CAMKMT: variants seen among roughly 807,000 people sequenced by gnomAD.
CAMKMT encodes the protein CaM KMT.
In CAMKMT, 53 loss-of-function variants were observed where a neutral mutation model predicts 48.0. That is an observed-to-expected ratio of 1.10 (90% CI 0.89 to 1.39). The LOEUF (loss-of-function observed/expected upper bound fraction) is 1.39, where lower values mean the gene tolerates loss of function less well. Ranked by LOEUF, CAMKMT falls within the 40% of genes most tolerant of loss-of-function variation. The pLI, the probability that CAMKMT is intolerant of heterozygous loss-of-function variation, is 0.00. For synonymous variants in CAMKMT, 165 were observed against 152.3 expected, an observed-to-expected ratio of 1.08 and a Z score of -0.61; for missense variants, 428 against 402.7, an observed-to-expected ratio of 1.06 and a Z score of -0.54.
chr2:44,403,439 T>G (rs1208065223), intron 3 of CAMKMT, among the ~76,000 whole-genome samples: 4 of 152,148 alleles, frequency 2.6e-5, no homozygotes, highest in African/African-American at 9.7e-5. Context: ...AGAGATGAGA[T>G]TTCAAGATCT....
chr2:44,722,758 C>T (rs887268420), intron 7 of CAMKMT, among the ~76,000 whole-genome samples: 1 of 152,010 alleles, frequency 6.6e-6, no homozygotes, highest in African/African-American at 2.4e-5. Context: ...ACTTTCTAGT[C>T]CATTCATTCT....
At chr2:44,724,650 C>T (rs923129614) in intron 7 of CAMKMT, among the ~76,000 whole-genome samples, 1 of 152,040 alleles carries the variant, frequency 6.6e-6, no homozygotes, top group East Asian at 1.9e-4. Flanking sequence ...GGCATTTTTT[C>T]ACTCTCATGT....
chr2:44,689,165 CA>C, intron 3 of CAMKMT, among the ~76,000 whole-genome samples: 1 of 152,308 alleles, frequency 6.6e-6, no homozygotes, highest in South Asian at 2.1e-4. Context: ...ACACCTAAGA[CA>C]GGGAACAATA....
intron 2 of CAMKMT, among the ~76,000 whole-genome samples, chr2:44,386,589 C>T (rs1026960630): frequency 1.3e-5 from 2 of 151,914 alleles, no homozygotes; most frequent in Non-Finnish European, 2.9e-5. Flanking sequence ...TTCTCTAGTT[C>T]CTTGAGGTGT....
chr2:44,553,477 A>C (rs1223625740), intron 3 of CAMKMT, among the ~76,000 whole-genome samples: 1 of 151,436 alleles, frequency 6.6e-6, no homozygotes, highest in Non-Finnish European at 1.5e-5. Flanking sequence ...TCTTGTGTCT[A>C]AGACTCCTGA....
In CAMKMT at chr2:44,587,359, T is replaced by C. The variant is rs866511701; in HGVS notation, c.377-116924T>C. ...CAAAGTACAGGTTTTACATATCTTT[T>C]GTCAGATTTACCCCTAAGAATTGTA... On this transcript the variant is annotated intron_variant, in intron 3 of 10. Coordinates refer to ENST00000378494, the MANE Select transcript of CAMKMT (RefSeq NM_024766.5). 2.6e-5 allele frequency among the ~76,000 whole-genome samples: 4 copies of C among 152,322 alleles called. No homozygotes were observed. The Middle Eastern group carries it at 0.01, about 389-fold the overall frequency.
At chr2:44,414,062 A>C (rs531533001) in intron 3 of CAMKMT, among the ~76,000 whole-genome samples, 1 of 152,300 alleles carries the variant, frequency 6.6e-6, no homozygotes, top group East Asian at 1.9e-4. Flanking sequence ...CATTGGCAGG[A>C]TAACTTGAAT....
intron 3 of CAMKMT, among the ~76,000 whole-genome samples, chr2:44,415,312 T>A (rs1419636780): frequency 6.6e-6 from 1 of 152,236 alleles, no homozygotes; most frequent in Non-Finnish European, 1.5e-5. Context: ...GACTTGTTTT[T>A]AAATTTTCCT....
chr2:44,764,345 C>T (rs770675658), intron 9 of CAMKMT, among the ~76,000 whole-genome samples: 2 of 152,034 alleles, frequency 1.3e-5, no homozygotes, highest in African/African-American at 2.4e-5. Flanking sequence ...ATTTTTAGAG[C>T]ACTGTTAGGT....
chr2:44,408,854 A>G (rs1393224280), intron 3 of CAMKMT, among the ~76,000 whole-genome samples: 1 of 150,874 alleles, frequency 6.6e-6, no homozygotes, highest in Non-Finnish European at 1.5e-5. Context: ...CAATTCTCCC[A>G]CCCCAGCCTC....
intron 3 of CAMKMT, among the ~76,000 whole-genome samples, chr2:44,569,202 A>G (rs1668776692): frequency 6.6e-6 from 1 of 152,188 alleles, no homozygotes; most frequent in South Asian, 2.1e-4. Context: ...TGGTGATAAT[A>G]TCATCTCACT....
chr2:44,392,964 T>C (rs745932469), intron 3 of CAMKMT, among the ~76,000 whole-genome samples: 4 of 152,098 alleles, frequency 2.6e-5, no homozygotes, highest in Non-Finnish European at 5.9e-5. Flanking sequence ...AGGTTAATAA[T>C]GCTTCCTAGT....
intron 3 of CAMKMT, among the ~76,000 whole-genome samples, chr2:44,656,962 A>G (rs866786665): frequency 7.9e-5 from 12 of 152,220 alleles, no homozygotes; most frequent in Non-Finnish European, 1.3e-4. Flanking sequence ...AGTGCTCTCA[A>G]GAAGCACCTA....
At chr2:44,473,149 A>G (rs925400449) in intron 3 of CAMKMT, among the ~76,000 whole-genome samples, 5 of 152,236 alleles carry the variant, frequency 3.3e-5, no homozygotes, top group African/African-American at 7.2e-5. Flanking sequence ...ATGACCTGCT[A>G]TCAACACTAC....
At chr2:44,496,127 T>A (rs1669741351) in intron 3 of CAMKMT, among the ~76,000 whole-genome samples, 1 of 152,208 alleles carries the variant, frequency 6.6e-6, no homozygotes, top group South Asian at 2.1e-4. Flanking sequence ...ATTGTAAAAG[T>A]CCTCAGTACA....
At chr2:44,745,527 A>G (rs556958494) in intron 8 of CAMKMT, among the ~76,000 whole-genome samples, 2 of 152,328 alleles carry the variant, frequency 1.3e-5, no homozygotes, top group Middle Eastern at 3.4e-3. Context: ...ACATAATATT[A>G]TATGTATACA....
At chr2:44,770,681 G>T in intron 10 of CAMKMT, among the ~76,000 whole-genome samples, 1 of 152,186 alleles carries the variant, frequency 6.6e-6, no homozygotes, top group East Asian at 1.9e-4. Flanking sequence ...GTCCCGGTCA[G>T]TGGGTATGGA....
intron 1 of CAMKMT, among the ~76,000 whole-genome samples, chr2:44,363,893 G>A (rs771161493): frequency 8.6e-5 from 13 of 151,514 alleles, no homozygotes; most frequent in Non-Finnish European, 1.5e-4. Flanking sequence ...GTTTCGCCAT[G>A]TTGGCCAGGC....
rs1451522479 is a variant in CAMKMT, at chr2:44,657,143, C to G, written c.377-47140C>G. Among the ~76,000 whole-genome samples the G allele has an allele frequency of 6.6e-6, 1 of 152,172 alleles. No individual in the cohort carries two copies. The highest frequency in any genetic ancestry group is 1.5e-5 in the Non-Finnish European group (1 of 68,044). ...ATGTGCTGGTCAGAGTGCAGCCCCA[C>G]CTGAAATCCAGTTTGTATGAGAGCC... On this transcript the variant is annotated intron_variant, in intron 3 of 10. Transcript: ENST00000378494. This position sits in a 1 kb window ranked among gnomAD's most constrained non-coding sequence, Gnocchi z 4.3.
Sources: allele counts gnomAD v4.1 joint callset (sites outside exome capture counted in the v4.1 genomes callset), GRCh38; gene constraint gnomAD v4.1.1; non-coding constraint Gnocchi (gnomAD v3.1); transcripts MANE v1.5; gene names NCBI Gene and HGNC (gene_info 2026-07-23, HGNC 2026-07-21).